RAB3GAP2: variants seen among roughly 807,000 people sequenced by gnomAD.
RAB3GAP2 encodes the protein RAB3 GTPase activating non-catalytic protein subunit 2, also known as rab3 GTPase-activating protein non-catalytic subunit.
Under a neutral mutation model 185.3 loss-of-function variants are expected in RAB3GAP2, and 87 were observed. The ratio of observed to expected loss-of-function variants is 0.47; its 90% CI spans 0.39 to 0.56. The LOEUF is 0.56. Among genes scored for constraint, RAB3GAP2 ranks in the 20% least tolerant of loss-of-function variants. The probability of loss-of-function intolerance (pLI) is 0.00; values close to 1 mark genes in which losing one functional copy is unlikely to be tolerated. For missense variants in RAB3GAP2, 1,492 were observed against 1,638.2 expected, an observed-to-expected ratio of 0.91 and a Z score of 1.54; for synonymous variants, 554 against 576.1, an observed-to-expected ratio of 0.96 and a Z score of 0.55.
intron 12 of RAB3GAP2, 76 bp downstream of exon 12, chr1:220,195,002 C>T: frequency 7.1e-7 from 1 of 1,399,318 alleles, no homozygotes; most frequent in Non-Finnish European, 1.0e-6. Context: ...GCAAATCAAC[C>T]AAGCACACGG....
intron 12 of RAB3GAP2, among the ~76,000 whole-genome samples, chr1:220,194,484 C>T (rs2102871489): frequency 6.6e-6 from 1 of 152,242 alleles, no homozygotes; most frequent in African/African-American, 2.4e-5. Flanking sequence ...CCTCTGCCTC[C>T]CGGGTTTGAG....
At chr1:220,248,176 T>C (rs1030164021) in intron 1 of RAB3GAP2, among the ~76,000 whole-genome samples, 2 of 152,116 alleles carry the variant, frequency 1.3e-5, no homozygotes, top group Non-Finnish European at 2.9e-5. Context: ...TGATCTCACT[T>C]ATAAGTGGAA....
intron 1 of RAB3GAP2, among the ~76,000 whole-genome samples, chr1:220,257,800 TA>T (rs1382153850): frequency 6.6e-6 from 1 of 151,876 alleles, no homozygotes; most frequent in Non-Finnish European, 1.5e-5. Context: ...GCTGGTTTTT[TA>T]AAAAAATTAA....
rs201668103 is a variant in RAB3GAP2 at position 220,171,943 on chromosome 1, C to T, written c.2523G>A (p.Ala841=). ...SENNGAALLS[A]HVGHSVAAQI... is the part of the protein sequence containing the mutation. The stretch of plus-strand genomic sequence containing the variant: ...GTGCAGCAACAGAATGCCCAACATG[C>T]GCAGACAACAGAGCGGCTCCATTGT... Residue 841 remains alanine, a synonymous_variant, in exon 23 of 35, where the codon GCG becomes GCA. Coordinates refer to ENST00000358951, the MANE Select transcript of RAB3GAP2 (RefSeq NM_012414.4). 26 of 1,614,076 alleles carry T rather than the reference C, an allele frequency of 1.6e-5. No individual in the cohort carries two copies. The highest frequency in any genetic ancestry group is 5.3e-5 in the African/African-American group (4 of 74,928).
chr1:220,247,535 T>C (rs1023849484), intron 1 of RAB3GAP2, among the ~76,000 whole-genome samples: 11 of 152,122 alleles, frequency 7.2e-5, no homozygotes, highest in Non-Finnish European at 1.5e-4. Context: ...TCCTCCCTTG[T>C]AAGTGGAAGC....
At chr1:220,269,292 C>A (rs1397057229) in intron 1 of RAB3GAP2, among the ~76,000 whole-genome samples, 1 of 152,182 alleles carries the variant, frequency 6.6e-6, no homozygotes, top group Non-Finnish European at 1.5e-5. Context: ...AAAAGAGCGT[C>A]TGAAGCATAA....
At chr1:220,208,926 A>T (rs1232117899) in intron 7 of RAB3GAP2, among the ~76,000 whole-genome samples, 2 of 152,180 alleles carry the variant, frequency 1.3e-5, no homozygotes, top group Non-Finnish European at 2.9e-5. Flanking sequence ...CGTGTTACCC[A>T]GGCTGGTCTC....
intron 1 of RAB3GAP2, among the ~76,000 whole-genome samples, chr1:220,237,899 C>A (rs967537368): frequency 1.0e-4 from 15 of 146,424 alleles, no homozygotes; most frequent in African/African-American, 2.0e-4. Flanking sequence ...AAAAAAAAAA[C>A]AACAGGTGAA....
chr1:220,219,318 A>T (rs1473689444), intron 2 of RAB3GAP2: 1 of 152,290 alleles, frequency 6.6e-6, no homozygotes, highest in African/African-American at 2.4e-5. Context: ...AAGGAACTAC[A>T]GGGATCATTT....
chr1:220,218,261 TTC>T (rs1659235504), intron 2 of RAB3GAP2, among the ~76,000 whole-genome samples: 1 of 152,150 alleles, frequency 6.6e-6, no homozygotes, highest in Non-Finnish European at 1.5e-5. Flanking sequence ...TTCTCCAACT[TTC>T]TCTGTTACTG....
At chr1:220,272,137 G>T in intron 1 of RAB3GAP2, 86 bp downstream of exon 1, 1 of 1,160,614 alleles carries the variant, frequency 8.6e-7, no homozygotes, top group Non-Finnish European at 1.3e-6. Context: ...AGAGGCAGGA[G>T]GCGCAGAGCG....
chr1:220,234,299 G>A (rs1457451599), intron 1 of RAB3GAP2, among the ~76,000 whole-genome samples: 2 of 152,110 alleles, frequency 1.3e-5, no homozygotes, highest in African/African-American at 4.8e-5. Flanking sequence ...TTAAAAGATG[G>A]GACTGATCCT....
intron 1 of RAB3GAP2, among the ~76,000 whole-genome samples, chr1:220,237,166 A>C (rs1374841677): frequency 2.0e-5 from 3 of 152,228 alleles, no homozygotes; most frequent in Non-Finnish European, 4.4e-5. Flanking sequence ...AGGACAGCCA[A>C]CTTCTTTAGG....
chr1:220,237,363 A>G (rs1434793540), intron 1 of RAB3GAP2, among the ~76,000 whole-genome samples: 3 of 152,244 alleles, frequency 2.0e-5, no homozygotes, highest in Admixed American at 2.0e-4. Flanking sequence ...TCTGTAAATG[A>G]CACTGTTATC....
chr1:220,170,871 C>T (rs763590698), intron 24 of RAB3GAP2, 21 bp downstream of exon 24: 11 of 1,584,714 alleles, frequency 6.9e-6, no homozygotes, highest in Non-Finnish European at 9.5e-6. Context: ...GATGCAAATG[C>T]TCAAATAAAC....
At chr1:220,174,623 T>C (rs1004072920) in intron 21 of RAB3GAP2, among the ~76,000 whole-genome samples, 5 of 152,104 alleles carry the variant, frequency 3.3e-5, no homozygotes, top group African/African-American at 9.7e-5. Context: ...GAAGGTCTTA[T>C]TCTATTTTTT....
intron 1 of RAB3GAP2, among the ~76,000 whole-genome samples, chr1:220,249,626 T>C (rs1437122021): frequency 1.3e-5 from 2 of 152,120 alleles, no homozygotes; most frequent in Admixed American, 6.5e-5. Flanking sequence ...ATGGGGAAAA[T>C]GTCACCAGTG....
chr1:220,229,808 G>A (rs1659465807), intron 2 of RAB3GAP2, among the ~76,000 whole-genome samples: 1 of 152,120 alleles, frequency 6.6e-6, no homozygotes, highest in Non-Finnish European at 1.5e-5. Context: ...AATTATAAAT[G>A]CATGTGTCCA....
chr1:220,196,234 T>C lies in RAB3GAP2; in HGVS notation c.960+16A>G. ...TCAAGAGCAGCCTTACTCATGATCA[T>C]TGATAAAACTCATACCTCTAAAGCA... On this transcript the variant is annotated intron_variant, in intron 10 of 34. Coordinates refer to ENST00000358951, the MANE Select transcript of RAB3GAP2 (RefSeq NM_012414.4). The C allele has an allele frequency of 1.2e-6, 2 of 1,610,756 alleles. No homozygotes were observed. Among genetic ancestry groups the C allele is most frequent in the African/African-American group, 1.3e-5 (1 of 74,970 alleles).
Sources: gnomAD v4.1 joint callset for allele counts (sites outside exome capture counted in the v4.1 genomes callset) on GRCh38, gnomAD v4.1.1 for gene constraint, MANE v1.5 for transcripts, NCBI Gene and HGNC (gene_info 2026-07-23, HGNC 2026-07-21) for gene names.